SLC2A1: variants seen among roughly 807,000 people sequenced by gnomAD.
SLC2A1 encodes the protein solute carrier family 2 member 1.
In SLC2A1, 4 loss-of-function variants were observed where a neutral mutation model predicts 46.6. The observed-to-expected ratio is 0.09, with a 90% CI of 0.04 to 0.20. The LOEUF is 0.20. SLC2A1 is among the 10% of genes least tolerant of loss of function. The pLI is 1.00. For missense variants in SLC2A1, 352 were observed against 667.0 expected (o/e 0.53, Z 5.20); for synonymous variants, 253 against 270.0 (o/e 0.94, Z 0.62).
At chr1:42,951,991 A>C in intron 1 of SLC2A1, 1 of 411,800 alleles carries the variant, frequency 2.4e-6, no homozygotes, top group Non-Finnish European at 4.3e-6. Flanking sequence ...CCTAGATGGG[A>C]GGGGGCATCC....
chr1:42,951,818 C>T, intron 1 of SLC2A1: 1 of 399,184 alleles, frequency 2.5e-6, no homozygotes, highest in Non-Finnish European at 4.4e-6. Context: ...AAGGAAGTGT[C>T]AGACCACATG....
chr1:42,930,397 G>A lies in SLC2A1; in HGVS notation c.516+229C>T, dbSNP rs1425180402. The A allele has an allele frequency of 1.4e-6, 1 of 721,864 alleles. No homozygotes were observed. The allele number at this position is 721,864 out of a possible 1,614,324, so 44.7% of individuals were successfully genotyped here. On this transcript the variant is annotated intron_variant, in intron 4 of 9. Transcript: ENST00000426263. The surrounding 1 kb of genome is among the most constrained non-coding windows in gnomAD (Gnocchi z 6.2). ...CATGTTGGGGGAAGGCGGGCCCTGT[G>A]GTTGGAAGCCTAGAGTGAGAAGAAA...
intron 1 of SLC2A1, among the ~76,000 whole-genome samples, chr1:42,945,280 T>G (rs969084719): frequency 7.9e-5 from 12 of 152,138 alleles, no homozygotes; most frequent in African/African-American, 2.7e-4. Context: ...AGTGATATAA[T>G]GGAATACATA....
rs2229681 is a variant in SLC2A1 at position 42,928,995 on chromosome 1, G to A, written c.1011C>T (p.His337=). 23,816 of 1,613,778 alleles carry A rather than the reference G, an allele frequency of 0.015. 2,452 individuals carry two copies. In the African/African-American group the frequency reaches 0.25, roughly 17 times the overall value. The change falls in exon 8 of 10, where the codon CAC becomes CAT. Residue 337 remains histidine, a synonymous_variant. Transcript: ENST00000426263. ...VVERAGRRTL[H]LIGLAGMAGC... ...CCGCCATGCCAGCGAGGCCTATGAG[G>A]TGCAGGGTCCGCCGGCCTGCTCGCT...
At chr1:42,950,867 C>T (rs769951569) in intron 1 of SLC2A1, among the ~76,000 whole-genome samples, 2 of 152,028 alleles carry the variant, frequency 1.3e-5, no homozygotes, top group Non-Finnish European at 2.9e-5. Flanking sequence ...CCCAACTACT[C>T]GGGAGGCTGA....
intron 1 of SLC2A1, among the ~76,000 whole-genome samples, chr1:42,948,480 C>G (rs546619057): frequency 1.3e-5 from 2 of 152,296 alleles, no homozygotes; most frequent in East Asian, 3.9e-4. Flanking sequence ...ATGGGTTCCC[C>G]AGGTGCAGGG....
intron 2 of SLC2A1, among the ~76,000 whole-genome samples, chr1:42,931,827 C>CAA (rs35734592): frequency 0.23 from 24,065 of 105,792 alleles, 2,903 homozygotes; most frequent in East Asian, 0.31. Context: ...CTCTATGTCT[C>CAA]AAAAAAAAAA....
Position 42,927,046 on chromosome 1 carries a change from C to G in SLC2A1, c.1474G>C (p.Val492Leu). ...GGCTGGTGATCTGGGGCGACTCACA[C>G]TTGGGAATCAGCCCCCAGGGGATGG... ...LFHPLGADSQV is the reference protein window; with the variant it reads ...LFHPLGADSQL Residue 492 changes from valine to leucine, a missense_variant, in exon 10 of 10, where the codon GTG (valine) becomes CTG (leucine). Val to Leu is a conservative substitution (Grantham distance 32). Coordinates refer to ENST00000426263, the MANE Select transcript of SLC2A1 (RefSeq NM_006516.4). The surrounding 1 kb of genome is among the most constrained non-coding windows in gnomAD (Gnocchi z 5.3). 1.2e-6 allele frequency: 2 copies of G among 1,613,736 alleles called. No individual in the cohort carries two copies. The highest frequency in any genetic ancestry group is 1.1e-5 in the South Asian group (1 of 91,080).
At chr1:42,943,360 G>T in intron 1 of SLC2A1, 39 bp from the exon 2 acceptor site, 4 of 1,495,664 alleles carry the variant, frequency 2.7e-6, no homozygotes, top group Non-Finnish European at 1.9e-6. Context: ...GGCGTGTCTG[G>T]GAGCAGGTTA....
At position 42,931,132 on chromosome 1, in the gene SLC2A1, C is replaced by T. The variant is rs766043826; in HGVS notation, c.189G>A (p.Thr63=). Residue 63 remains threonine (T), a synonymous_variant, in exon 3 of 10, where the codon ACG becomes ACA. Coordinates refer to ENST00000426263, the MANE Select transcript of SLC2A1 (RefSeq NM_006516.4). ...GESILPTTLT[T]LWSLSVAIFS... is the part of the protein sequence containing the mutation. ...AGATGGCCACTGAGAGGGACCAGAG[C>T]GTGGTGAGCGTGGTGGGCAGGATGC... 9 of 1,614,036 alleles carry T rather than the reference C, an allele frequency of 5.6e-6. No individual in the cohort carries two copies. In the East Asian group the frequency reaches 6.7e-5, roughly 12 times the overall value.
rs1643473261 is a variant in SLC2A1 at position 42,930,115 on chromosome 1, T to TTC, written c.517-81_517-80insGA. On this transcript the variant is annotated intron_variant, in intron 4 of 9. Transcript: ENST00000426263. This position sits in a 1 kb window ranked among gnomAD's most constrained non-coding sequence, Gnocchi z 6.2. ...TCCTGCCAGAGTGGCCTTCCCTACT[T>TTC]TGTGTCAGCTGCTGCTTCAGGGAAG... 6.6e-7 allele frequency: 1 copy of TTC among 1,504,358 alleles called. No homozygotes were observed. The highest frequency in any genetic ancestry group is 1.8e-5 in the Admixed American group (1 of 55,178). 93.2% of individuals were successfully genotyped at this position (1,504,358 alleles called of 1,614,324 possible). A position where few individuals can be genotyped will look rare whatever the true frequency, so the allele number is the denominator to read the frequency against.
intron 1 of SLC2A1, 91 bp downstream of exon 1, chr1:42,958,543 C>A: frequency 1.8e-6 from 2 of 1,130,268 alleles, no homozygotes; most frequent in South Asian, 1.9e-5. Flanking sequence ...CACAGCGCAG[C>A]GGGGCGGCGG....
intron 2 of SLC2A1, 55 bp downstream of exon 2, chr1:42,943,162 GGGCATGTGT>G: frequency 9.6e-7 from 1 of 1,040,724 alleles, no homozygotes; most frequent in Non-Finnish European, 1.5e-6. Context: ...GTGAGACTGT[GGGCATGTGT>G]GATGTGCAAC....
chr1:42,928,636 A>G (rs1643453032), intron 8 of SLC2A1, among the ~76,000 whole-genome samples: 1 of 152,200 alleles, frequency 6.6e-6, no homozygotes, highest in South Asian at 2.1e-4. Flanking sequence ...GAGGCTACAG[A>G]TGAAGATTGG....
chr1:42,945,807 G>A (rs904906801), intron 1 of SLC2A1, among the ~76,000 whole-genome samples: 3 of 151,854 alleles, frequency 2.0e-5, no homozygotes, highest in African/African-American at 4.8e-5. Context: ...ACCCCGGGGG[G>A]GCCTGGGTGA....
intron 1 of SLC2A1, among the ~76,000 whole-genome samples, chr1:42,949,725 A>G (rs1003486730): frequency 2.6e-4 from 40 of 152,230 alleles, no homozygotes; most frequent in Non-Finnish European, 2.5e-4. Context: ...CTGCTCACAC[A>G]TTCTGATTAA....
chr1:42,958,183 G>T (rs1346590211), intron 1 of SLC2A1, among the ~76,000 whole-genome samples: 3 of 151,890 alleles, frequency 2.0e-5, no homozygotes, highest in African/African-American at 4.8e-5. Context: ...ACTCCTCCGC[G>T]CGCCGGGGCC....
At chr1:42,941,839 G>C (rs769507951) in intron 2 of SLC2A1, among the ~76,000 whole-genome samples, 1 of 152,212 alleles carries the variant, frequency 6.6e-6, no homozygotes, top group Non-Finnish European at 1.5e-5. Context: ...AGCAAATGCA[G>C]GGCTTGGGGC....
chr1:42,941,166 C>A lies in SLC2A1; in HGVS notation c.114+2060G>T, dbSNP rs1400097578. Among the ~76,000 whole-genome samples the A allele has an allele frequency of 1.3e-5, 2 of 152,178 alleles. 1 individual carries two copies. The highest frequency in any genetic ancestry group is 4.1e-4 in the South Asian group (2 of 4,828). On this transcript the variant is annotated intron_variant, in intron 2 of 9. Coordinates refer to ENST00000426263, the MANE Select transcript of SLC2A1 (RefSeq NM_006516.4). Reference sequence around the variant, plus strand: ...TAAGTCCGCCCCTCCATACCAGACGCCTGAGTCATTTCCCTACAATGCAAG... The same window carrying A: ...TAAGTCCGCCCCTCCATACCAGACGACTGAGTCATTTCCCTACAATGCAAG...
Sources: gnomAD v4.1 joint callset for allele counts (sites outside exome capture counted in the v4.1 genomes callset) on GRCh38, gnomAD v4.1.1 for gene constraint, Gnocchi (gnomAD v3.1) non-coding constraint, MANE v1.5 for transcripts, NCBI Gene and HGNC (gene_info 2026-07-23, HGNC 2026-07-21) for gene names.